Variants in PALS2 observed in about 807,000 individuals in gnomAD.
PALS2 encodes protein PALS2.
Under a neutral mutation model 61.6 loss-of-function variants are expected in PALS2, and 27 were observed. The ratio of observed to expected loss-of-function variants is 0.44; its 90% CI spans 0.32 to 0.60. PALS2 has a LOEUF of 0.60. Ranked by LOEUF, PALS2 falls within the 20% of genes least tolerant of loss-of-function variation. The pLI, the probability that PALS2 is intolerant of heterozygous loss-of-function variation, is 0.05. For missense variants in PALS2, 554 were observed against 639.4 expected, an observed-to-expected ratio of 0.87 and a Z score of 1.44; for synonymous variants, 236 against 218.6, an observed-to-expected ratio of 1.08 and a Z score of -0.70.
In PALS2 at chr7:24,694,068, A is replaced by C. The variant is rs1216548949; in HGVS notation, c.*6454A>C. Reference sequence around the variant, plus strand: ...AATCAAAGCTGAACAAGCTGCTTAAAGTTTCTGATTAAGAAGTTTAAAAAG... The same window carrying C: ...AATCAAAGCTGAACAAGCTGCTTAACGTTTCTGATTAAGAAGTTTAAAAAG... On this transcript the variant is annotated 3_prime_UTR_variant, in exon 12 of 12. Coordinates refer to ENST00000222644, the MANE Select transcript of PALS2 (RefSeq NM_001303037.2). The C allele has an allele frequency of 6.6e-6, 1 of 152,168 alleles. No individual in the cohort carries two copies. Among genetic ancestry groups the C allele is most frequent in the Non-Finnish European group, 1.5e-5 (1 of 68,034 alleles). 9.4% of individuals were successfully genotyped at this position (152,168 alleles called of 1,614,324 possible).
At chr7:24,673,273 C>A (rs1787393270) in intron 9 of PALS2, among the ~76,000 whole-genome samples, 1 of 151,982 alleles carries the variant, frequency 6.6e-6, no homozygotes. Flanking sequence ...GATGTGCCGT[C>A]TTTTTTTGTA....
At chr7:24,637,181 A>C (rs1323028754) in intron 2 of PALS2, among the ~76,000 whole-genome samples, 2 of 151,976 alleles carry the variant, frequency 1.3e-5, no homozygotes, top group Non-Finnish European at 2.9e-5. Context: ...TTTCCTGAGT[A>C]CCTTGATATG....
At chr7:24,591,278 G>C (rs898496256) in intron 1 of PALS2, among the ~76,000 whole-genome samples, 1 of 152,078 alleles carries the variant, frequency 6.6e-6, no homozygotes, top group Non-Finnish European at 1.5e-5. Flanking sequence ...AATTTAAAAA[G>C]CATAGTCTTT....
At position 24,679,119 on chromosome 7, in the gene PALS2, T is replaced by G. The variant is rs187117102; in HGVS notation, c.1115-12T>G. ...TTTCTTTGTACAAAAATCTCAACAC[T>G]ATTTTATTTAGTTACTTCACGGAAA... On this transcript the variant is annotated splice_polypyrimidine_tract_variant and intron_variant, in intron 9 of 11. Transcript: ENST00000222644. The G allele has an allele frequency of 6.2e-7, 1 of 1,611,084 alleles. No individual in the cohort carries two copies. Among genetic ancestry groups the G allele is most frequent in the East Asian group, 2.2e-5 (1 of 44,824 alleles).
At chr7:24,662,873 TAAAGC>T (rs1485308456) in intron 5 of PALS2, among the ~76,000 whole-genome samples, 2 of 151,678 alleles carry the variant, frequency 1.3e-5, no homozygotes, top group Non-Finnish European at 2.9e-5. Context: ...GAATTTAAAT[TAAAGC>T]AAATAAGCAA....
intron 2 of PALS2, 86 bp from the exon 3 acceptor site, chr7:24,641,630 T>G: frequency 8.2e-7 from 1 of 1,213,362 alleles, no homozygotes; most frequent in Non-Finnish European, 1.1e-6. Context: ...TAATATATTT[T>G]AAAACTTTAC....
chr7:24,679,102 T>C (rs536960177), intron 9 of PALS2, 29 bp from the exon 10 acceptor site: 7 of 1,601,192 alleles, frequency 4.4e-6, no homozygotes, highest in East Asian at 4.5e-5. Flanking sequence ...AATTTCTTTG[T>C]ACAAAAATCT....
At position 24,633,040 on chromosome 7, in the gene PALS2, G is replaced by T. The variant is rs915982360; in HGVS notation, c.118-8676G>T. On this transcript the variant is annotated intron_variant, in intron 2 of 11. Coordinates refer to ENST00000222644, the MANE Select transcript of PALS2 (RefSeq NM_001303037.2). ...GTTTCCTGTCCCATATAATATTGCT[G>T]CCATTCATTTATTCATAAGCTATAA... 1.2e-4 allele frequency among the ~76,000 whole-genome samples: 18 copies of T among 152,148 alleles called. No individual in the cohort carries two copies. The East Asian group carries it at 1.5e-3, about 13-fold the overall frequency.
intron 1 of PALS2, among the ~76,000 whole-genome samples, chr7:24,623,286 G>C (rs1016180369): frequency 6.6e-6 from 1 of 151,386 alleles, no homozygotes; most frequent in Non-Finnish European, 1.5e-5. Context: ...GTGAAGGCTG[G>C]TTCTGAGCTT....
At chr7:24,595,177 C>T (rs761296937) in intron 1 of PALS2, among the ~76,000 whole-genome samples, 19 of 151,596 alleles carry the variant, frequency 1.3e-4, no homozygotes, top group Non-Finnish European at 2.5e-4. Context: ...AAAAGTTCTT[C>T]GTGACAGATT....
At position 24,680,447 on chromosome 7, in the gene PALS2, C is replaced by G. The variant is rs1345899967; in HGVS notation, c.1373C>G (p.Ala458Gly). The G allele has an allele frequency of 7.4e-6, 12 of 1,613,734 alleles. No individual in the cohort carries two copies. The highest frequency in any genetic ancestry group is 8.5e-7 in the Non-Finnish European group (1 of 1,179,768). ...ATGCCCTATGTGGTATTTATTGCGG[C>G]TCCGGAGCTAGAGACGTTACGTGCC... Reference protein sequence around the residue: ...EFMPYVVFIAAPELETLRAMH... With the variant: ...EFMPYVVFIAGPELETLRAMH... Residue 458 changes from alanine to glycine, a missense_variant, in exon 11 of 12, where the codon GCT becomes GGT. Transcript: ENST00000222644.
chr7:24,619,456 G>A (rs913071819), intron 1 of PALS2, among the ~76,000 whole-genome samples: 6 of 151,902 alleles, frequency 3.9e-5, no homozygotes, highest in Non-Finnish European at 8.8e-5. Flanking sequence ...GGTAGCTCAC[G>A]CCTGTAATCC....
intron 2 of PALS2, among the ~76,000 whole-genome samples, chr7:24,630,352 G>A (rs776685079): frequency 6.6e-6 from 1 of 152,040 alleles, no homozygotes; most frequent in Admixed American, 6.6e-5. Flanking sequence ...GCAAGGGGAG[G>A]GGGGATAGCA....
At chr7:24,642,811 G>GAC (rs1399157200) in intron 3 of PALS2, among the ~76,000 whole-genome samples, 2 of 152,132 alleles carry the variant, frequency 1.3e-5, no homozygotes, top group Non-Finnish European at 2.9e-5. Context: ...ATCCTGTGCA[G>GAC]GTCCCAGTTG....
In PALS2 at chr7:24,573,490, A is replaced by T. The variant is rs1034874214; in HGVS notation, c.-106A>T. 2 of 373,704 alleles carry T rather than the reference A, an allele frequency of 5.4e-6. No individual in the cohort carries two copies. Among genetic ancestry groups the T allele is most frequent in the African/African-American group, 4.3e-5 (2 of 46,726 alleles). The allele number at this position is 373,704 out of a possible 1,614,324, so 23.1% of individuals were successfully genotyped here. The stretch of plus-strand genomic sequence containing the variant: ...TCAACTACGAGCCACGAGTTTGCAG[A>T]TGGGGCTGCTCGGCGGCGCCTGTGG... On this transcript the variant is annotated 5_prime_UTR_variant, in exon 1 of 12. An upstream start codon of the reference 5' UTR is lost. Coordinates refer to ENST00000222644, the MANE Select transcript of PALS2 (RefSeq NM_001303037.2). This position sits in a 1 kb window ranked among gnomAD's most constrained non-coding sequence, Gnocchi z 5.3.
chr7:24,683,937 A>G (rs1273027083), intron 11 of PALS2, among the ~76,000 whole-genome samples: 1 of 152,240 alleles, frequency 6.6e-6, no homozygotes, highest in Non-Finnish European at 1.5e-5. Flanking sequence ...TAGAATTAGA[A>G]TATCAAATAA....
chr7:24,622,648 T>C (rs74827273), intron 1 of PALS2, among the ~76,000 whole-genome samples: 2,418 of 151,578 alleles, frequency 0.016, 78 homozygotes, highest in African/African-American at 0.056. Context: ...CTTATTGCTT[T>C]CTAGTCTGGA....
chr7:24,662,734 A>C (rs983510246), intron 5 of PALS2, among the ~76,000 whole-genome samples: 11 of 145,800 alleles, frequency 7.5e-5, no homozygotes, highest in East Asian at 2.0e-4. Context: ...ACGCCACTGC[A>C]CTCCAGCCTG....
At chr7:24,631,035 T>C (rs1280211278) in intron 2 of PALS2, among the ~76,000 whole-genome samples, 1 of 152,218 alleles carries the variant, frequency 6.6e-6, no homozygotes, top group Admixed American at 6.5e-5. Flanking sequence ...ATTTTGACTT[T>C]CAAGTCTTAG....
Sources: allele counts gnomAD v4.1 joint callset (sites outside exome capture counted in the v4.1 genomes callset), GRCh38; gene constraint gnomAD v4.1.1; non-coding constraint Gnocchi (gnomAD v3.1); transcripts MANE v1.5; gene names NCBI Gene and HGNC (gene_info 2026-07-23, HGNC 2026-07-21).